The following ABI2 variants were observed in gnomAD, a reference collection of about 807,000 sequenced individuals.
The protein encoded by ABI2 is abelson interactor 2.
In ABI2, 25 loss-of-function variants were observed where a neutral mutation model predicts 59.2. The ratio of observed to expected loss-of-function variants is 0.42; its 90% CI spans 0.31 to 0.59. ABI2 has a LOEUF of 0.59. ABI2 is among the 20% of genes least tolerant of loss of function. The pLI is 0.14. For synonymous variants in ABI2, 213 were observed against 235.5 expected (o/e 0.90, Z 0.87); for missense variants, 545 against 681.8 (o/e 0.80, Z 2.23).
At chr2:203,350,320 T>C (rs1394849938) in intron 1 of ABI2, among the ~76,000 whole-genome samples, 1 of 151,802 alleles carries the variant, frequency 6.6e-6, no homozygotes, top group African/African-American at 2.4e-5. Context: ...CAGGTGATCC[T>C]CCCGCCTCGT....
intron 4 of ABI2, among the ~76,000 whole-genome samples, chr2:203,385,003 T>C (rs1453313145): frequency 4.4e-4 from 67 of 151,850 alleles, no homozygotes; most frequent in Admixed American, 4.3e-3. Context: ...CCTGGCTAAT[T>C]TGTGTACTTT....
chr2:203,420,962 T>TG (rs924267271), intron 11 of ABI2, among the ~76,000 whole-genome samples: 2 of 25,142 alleles, frequency 8.0e-5, no homozygotes, highest in African/African-American at 3.2e-4. Flanking sequence ...TGCATGAGGG[T>TG]GGGGGTGGGT....
At chr2:203,376,137 G>A (rs2095662119) in intron 2 of ABI2, 2 of 1,529,904 alleles carry the variant, frequency 1.3e-6, no homozygotes, top group African/African-American at 1.4e-5. Context: ...AATGAGGTAA[G>A]GGACCAGCTA....
At chr2:203,362,397 C>G (rs1426173326) in intron 1 of ABI2, among the ~76,000 whole-genome samples, 1 of 152,040 alleles carries the variant, frequency 6.6e-6, no homozygotes, top group Non-Finnish European at 1.5e-5. Flanking sequence ...TTTGGACGTT[C>G]TGGGGGTAGT....
chr2:203,328,668 C>T (rs746472029), intron 1 of ABI2, 37 bp downstream of exon 1: 52 of 1,431,366 alleles, frequency 3.6e-5, no homozygotes, highest in Non-Finnish European at 4.8e-5. Context: ...GTCGGGGACC[C>T]CCCCGCCGGG....
intron 11 of ABI2, among the ~76,000 whole-genome samples, chr2:203,422,133 C>CA (rs1015985494): frequency 4.6e-5 from 7 of 151,782 alleles, no homozygotes; most frequent in African/African-American, 1.7e-4. Context: ...CTCGTCTCTA[C>CA]AAAAAATTAG....
At chr2:203,423,352 T>G (rs771380685) in intron 11 of ABI2, among the ~76,000 whole-genome samples, 1 of 152,206 alleles carries the variant, frequency 6.6e-6, no homozygotes, top group Non-Finnish European at 1.5e-5. Flanking sequence ...TCCAGGAGTT[T>G]ATAGTGTAGA....
chr2:203,394,664 C>A (rs1484848624), intron 5 of ABI2, 36 bp from the exon 6 acceptor site: 10 of 1,583,040 alleles, frequency 6.3e-6, no homozygotes, highest in Non-Finnish European at 8.6e-6. Context: ...CCGAAACTTG[C>A]TTAATCATAC....
intron 10 of ABI2, among the ~76,000 whole-genome samples, chr2:203,415,616 CAAAAAAAA>C (rs71007515): frequency 5.2e-4 from 22 of 42,336 alleles, no homozygotes; most frequent in African/African-American, 9.3e-4. Flanking sequence ...GACTCCGTCT[CAAAAAAAA>C]AAAAAAAAAA....
intron 1 of ABI2, chr2:203,342,374 C>A (rs1000509657): frequency 6.1e-5 from 20 of 328,126 alleles, no homozygotes; most frequent in African/African-American, 4.1e-4. Flanking sequence ...TGTGGCCTTA[C>A]CCACTTATGT....
At chr2:203,371,854 C>CA (rs1047127475) in intron 2 of ABI2, among the ~76,000 whole-genome samples, 1 of 151,834 alleles carries the variant, frequency 6.6e-6, no homozygotes, top group African/African-American at 2.4e-5. Context: ...AAAAAGTTTG[C>CA]AAAACACTTT....
intron 8 of ABI2, among the ~76,000 whole-genome samples, chr2:203,401,893 C>T (rs1285169660): frequency 6.6e-6 from 1 of 152,016 alleles, no homozygotes; most frequent in African/African-American, 2.4e-5. Flanking sequence ...CTCTTGCTTT[C>T]CCAAACATCA....
rs2098473198 is a variant in ABI2, at chr2:203,430,366, G to T, written c.*3014G>T. ...GATAGAGGGATTCTAATGGGAGAGG[G>T]GATTCTTCCCTCCTGAAGTTTGTGT... On this transcript the variant is annotated 3_prime_UTR_variant, in exon 12 of 12. Transcript: ENST00000261018. 6.6e-6 allele frequency: 1 copy of T among 151,920 alleles called. No homozygotes were observed. The highest frequency in any genetic ancestry group is 6.6e-5 in the Admixed American group (1 of 15,264). The allele number at this position is 151,920 out of a possible 1,614,324, so 9.4% of individuals were successfully genotyped here.
intron 1 of ABI2, among the ~76,000 whole-genome samples, chr2:203,329,883 C>G (rs1045739702): frequency 3.3e-5 from 5 of 151,926 alleles, no homozygotes; most frequent in Non-Finnish European, 7.4e-5. Flanking sequence ...ACTACAGGCG[C>G]CCGCCACCAC....
intron 4 of ABI2, among the ~76,000 whole-genome samples, chr2:203,386,906 C>T (rs895883999): frequency 6.6e-6 from 1 of 152,144 alleles, no homozygotes; most frequent in Non-Finnish European, 1.5e-5. Context: ...TCCCAGAGTG[C>T]TGGGATTACA....
At chr2:203,364,160 CT>C (rs2093999708) in intron 1 of ABI2, among the ~76,000 whole-genome samples, 1 of 150,132 alleles carries the variant, frequency 6.7e-6, no homozygotes, top group Non-Finnish European at 1.5e-5. Context: ...GTGGCATGAT[CT>C]TGGCTCACTG....
chr2:203,412,153 A>G (rs2097703490), intron 10 of ABI2, among the ~76,000 whole-genome samples: 1 of 152,354 alleles, frequency 6.6e-6, no homozygotes, highest in African/African-American at 2.4e-5. Context: ...ACAAGGATGG[A>G]TGACTTCACT....
intron 9 of ABI2, among the ~76,000 whole-genome samples, chr2:203,409,827 T>C (rs1448080886): frequency 6.6e-6 from 1 of 152,196 alleles, no homozygotes; most frequent in East Asian, 1.9e-4. Context: ...AGAAGTTAAT[T>C]GACTAGCTAT....
chr2:203,376,221 T>G, intron 2 of ABI2: 1 of 988,314 alleles, frequency 1.0e-6, no homozygotes, highest in Non-Finnish European at 1.5e-6. Context: ...TTGGCAATGT[T>G]AGACATTTTT....
Sources: gnomAD v4.1 joint callset for allele counts (sites outside exome capture counted in the v4.1 genomes callset) on GRCh38, gnomAD v4.1.1 for gene constraint, MANE v1.5 for transcripts, NCBI Gene and HGNC (gene_info 2026-07-23, HGNC 2026-07-21) for gene names.